The following BICD1 variants were observed in gnomAD, a reference collection of about 807,000 sequenced individuals.
BICD1 encodes BICD cargo adaptor 1.
A neutral mutation model predicts 92.5 loss-of-function variants in BICD1; 35 were observed. The ratio of observed to expected loss-of-function variants is 0.38; its 90% confidence interval spans 0.29 to 0.50. BICD1 has a LOEUF of 0.50. Ranked by LOEUF, BICD1 falls within the 20% of genes least tolerant of loss-of-function variation. BICD1 has a pLI of 0.93. For missense variants in BICD1, 950 were observed against 1,189.8 expected, an observed-to-expected ratio of 0.80 and a Z score of 2.97; for synonymous variants, 429 against 465.1, an observed-to-expected ratio of 0.92 and a Z score of 1.00.
chr12:32,292,497 A>G (rs558007545), intron 2 of BICD1, among the ~76,000 whole-genome samples: 1 of 152,230 alleles, frequency 6.6e-6, no homozygotes, highest in Non-Finnish European at 1.5e-5. Context: ...TTGAACCTAC[A>G]TAGCATGTTT....
At chr12:32,166,091 G>A (rs1219709383) in intron 1 of BICD1, among the ~76,000 whole-genome samples, 1 of 144,490 alleles carries the variant, frequency 6.9e-6, no homozygotes, top group Non-Finnish European at 1.5e-5. Context: ...GGGACATTTG[G>A]CAATGTCTGG....
chr12:32,237,252 C>T (rs930631553), intron 2 of BICD1, among the ~76,000 whole-genome samples: 4 of 152,106 alleles, frequency 2.6e-5, no homozygotes, highest in African/African-American at 9.7e-5. Flanking sequence ...GAGGAACTTG[C>T]AGAAGGAAAG....
At chr12:32,165,879 C>T (rs573529012) in intron 1 of BICD1, among the ~76,000 whole-genome samples, 2 of 152,146 alleles carry the variant, frequency 1.3e-5, no homozygotes, top group South Asian at 4.1e-4. Context: ...AGAGAAGTAC[C>T]TGTGGAACTG....
At chr12:32,242,129 C>T (rs1013450467) in intron 2 of BICD1, among the ~76,000 whole-genome samples, 10 of 142,558 alleles carry the variant, frequency 7.0e-5, no homozygotes, top group Admixed American at 3.8e-4. Flanking sequence ...GTGGGATGAT[C>T]ACCTGAGCCC....
chr12:32,265,718 T>TTAAA (rs1555159709), intron 2 of BICD1, among the ~76,000 whole-genome samples: 6 of 140,860 alleles, frequency 4.3e-5, no homozygotes, highest in African/African-American at 1.5e-4. Context: ...AGATCCTATT[T>TTAAA]AAAAAAAAAA....
At chr12:32,145,565 A>G (rs992380799) in intron 1 of BICD1, among the ~76,000 whole-genome samples, 17 of 152,264 alleles carry the variant, frequency 1.1e-4, no homozygotes, top group Non-Finnish European at 2.2e-4. Flanking sequence ...TTACTATTAT[A>G]CATGACAATA....
At chr12:32,311,442 T>A (rs1040688327) in intron 4 of BICD1, among the ~76,000 whole-genome samples, 1 of 152,082 alleles carries the variant, frequency 6.6e-6, no homozygotes, top group Non-Finnish European at 1.5e-5. Context: ...GAGGTTGCAG[T>A]GAGCCGAGAT....
At position 32,244,987 on chromosome 12, in the gene BICD1, T is replaced by C. The variant is rs568179144; in HGVS notation, c.426+28528T>C. 2.0e-5 allele frequency among the ~76,000 whole-genome samples: 3 copies of C among 152,248 alleles called. No individual in the cohort carries two copies. In the Middle Eastern group the frequency reaches 0.01, roughly 518 times the overall value. ...AACCATATAATATGATGTTTTAAAA[T>C]ATAGACTCTGAAGACAAAGACCTGG... On this transcript the variant is annotated intron_variant, in intron 2 of 9. Coordinates refer to ENST00000652176, the MANE Select transcript of BICD1 (RefSeq NM_001714.4).
chr12:32,112,401 T>C (rs1218715538), intron 1 of BICD1, among the ~76,000 whole-genome samples: 3 of 152,218 alleles, frequency 2.0e-5, no homozygotes, highest in African/African-American at 7.2e-5. Flanking sequence ...ACATTCCCCA[T>C]GTTTATGTGA....
intron 8 of BICD1, among the ~76,000 whole-genome samples, chr12:32,341,217 T>C (rs890618209): frequency 6.6e-6 from 1 of 152,140 alleles, no homozygotes; most frequent in African/African-American, 2.4e-5. Context: ...GGTTCACACC[T>C]GTAATCCCAG....
intron 8 of BICD1, among the ~76,000 whole-genome samples, chr12:32,356,122 C>T (rs904523893): frequency 2.0e-5 from 3 of 152,150 alleles, no homozygotes; most frequent in Non-Finnish European, 4.4e-5. Flanking sequence ...GAGCTGCATG[C>T]TTTCACAAAC....
intron 8 of BICD1, among the ~76,000 whole-genome samples, chr12:32,346,638 G>GTA (rs1217158084): frequency 0.073 from 164 of 2,232 alleles, 13 homozygotes; most frequent in African/African-American, 0.14. Flanking sequence ...ATATATACGT[G>GTA]TATATATATA....
At chr12:32,230,588 A>G (rs906672099) in intron 2 of BICD1, among the ~76,000 whole-genome samples, 9 of 152,262 alleles carry the variant, frequency 5.9e-5, no homozygotes, top group African/African-American at 1.7e-4. Flanking sequence ...TTTGCTACAT[A>G]ACAGTAACAG....
intron 2 of BICD1, among the ~76,000 whole-genome samples, chr12:32,250,707 G>A (rs922176314): frequency 6.6e-6 from 1 of 152,120 alleles, no homozygotes; most frequent in African/African-American, 2.4e-5. Flanking sequence ...GAAGCCAGGC[G>A]CAGTGGCTCA....
Position 32,379,452 on chromosome 12 carries a change from G to A in BICD1, c.*1825G>A, listed in dbSNP as rs1940107008. 6.6e-6 allele frequency: 1 copy of A among 152,188 alleles called. No homozygotes were observed. The highest frequency in any genetic ancestry group is 1.5e-5 in the Non-Finnish European group (1 of 68,034). The allele number at this position is 152,188 out of a possible 1,614,324, so 9.4% of individuals were successfully genotyped here. On this transcript the variant is annotated 3_prime_UTR_variant, in exon 10 of 10. Coordinates refer to ENST00000652176, the MANE Select transcript of BICD1 (RefSeq NM_001714.4). ...CACCAAAATAAGGGTTCAGGTTAAA[G>A]TACAGAAACAGAAACAAAACGATTC... is the stretch of plus-strand genomic sequence containing the variant.
Position 32,236,872 on chromosome 12 carries a change from CTTTTTTTTTTT to C in BICD1, c.426+20427_426+20437del, listed in dbSNP as rs57318640. Reference sequence around the variant, plus strand: ...CATTCCTTTAAGCCAAAGTCTAATTCTTTTTTTTTTTTTTTTTTTTTTTTCAGAGTCTTGCT... The same window carrying C: ...CATTCCTTTAAGCCAAAGTCTAATTCTTTTTTTTTTTTTCAGAGTCTTGCT... On this transcript the variant is annotated intron_variant, in intron 2 of 9. Coordinates refer to ENST00000652176, the MANE Select transcript of BICD1 (RefSeq NM_001714.4). Among the ~76,000 whole-genome samples the C allele has an allele frequency of 2.2e-5, 2 of 89,320 alleles. 1 individual carries two copies. Among genetic ancestry groups the C allele is most frequent in the South Asian group, 8.5e-4 (2 of 2,348 alleles). The allele number at this position is 89,320 out of a possible 152,430, so 58.6% of individuals were successfully genotyped here.
At chr12:32,237,305 C>T (rs1432393600) in intron 2 of BICD1, among the ~76,000 whole-genome samples, 1 of 152,180 alleles carries the variant, frequency 6.6e-6, no homozygotes, top group African/African-American at 2.4e-5. Context: ...AGGAAAGACA[C>T]CATCTTCATA....
At chr12:32,200,365 G>C (rs987246758) in intron 1 of BICD1, among the ~76,000 whole-genome samples, 1 of 152,210 alleles carries the variant, frequency 6.6e-6, no homozygotes, top group Non-Finnish European at 1.5e-5. Context: ...GAGATAGCTG[G>C]ATGATGGTTT....
At chr12:32,322,851 A>G (rs1565669833) in intron 4 of BICD1, among the ~76,000 whole-genome samples, 1 of 152,200 alleles carries the variant, frequency 6.6e-6, no homozygotes, top group African/African-American at 2.4e-5. Flanking sequence ...CATTCAGTAC[A>G]TTTTGTTTTG....
Sources: gnomAD v4.1 joint callset for allele counts (sites outside exome capture counted in the v4.1 genomes callset) on GRCh38, gnomAD v4.1.1 for gene constraint, MANE v1.5 for transcripts, NCBI Gene and HGNC (gene_info 2026-07-23, HGNC 2026-07-21) for gene names.